Variants in RAP1GDS1 observed in about 807,000 individuals in gnomAD.
The protein encoded by RAP1GDS1 is Rap1 GTPase-GDP dissociation stimulator 1.
A neutral mutation model predicts 71.1 loss-of-function variants in RAP1GDS1; 35 were observed. That is an observed-to-expected ratio of 0.49 (90% CI 0.38 to 0.65). The LOEUF is 0.65. Ranked by LOEUF, RAP1GDS1 falls within the 30% of genes least tolerant of loss-of-function variation. RAP1GDS1 has a pLI of 0.00. For synonymous variants in RAP1GDS1, 229 were observed against 243.1 expected (o/e 0.94, Z 0.54); for missense variants, 663 against 706.1 (o/e 0.94, Z 0.69).
chr4:98,343,310 C>T (rs767668681), intron 3 of RAP1GDS1, 49 bp downstream of exon 3: 6 of 1,529,962 alleles, frequency 3.9e-6, no homozygotes, highest in Non-Finnish European at 3.6e-6. Flanking sequence ...TTCAGTTTTA[C>T]ATCTTACTTG....
rs528448536 is a variant in RAP1GDS1 at position 98,317,339 on chromosome 4, A to G, written c.112+23824A>G. Among the ~76,000 whole-genome samples the G allele has an allele frequency of 4.6e-5, 7 of 152,336 alleles. No individual in the cohort carries two copies. In the South Asian group the frequency reaches 1.2e-3, roughly 27 times the overall value. ...ATGATATTTAGTAAATCCAGAATCA[A>G]TCTGAAAACCTTTCCGCACTCATGT... On this transcript the variant is annotated intron_variant, in intron 2 of 14. Transcript: ENST00000408927.
At chr4:98,328,687 T>G (rs1733509161) in intron 2 of RAP1GDS1, among the ~76,000 whole-genome samples, 2 of 152,202 alleles carry the variant, frequency 1.3e-5, no homozygotes, top group South Asian at 4.1e-4. Flanking sequence ...CGTGATTTAT[T>G]TATTTAATTT....
At chr4:98,411,239 G>A (rs1560978398) in intron 7 of RAP1GDS1, among the ~76,000 whole-genome samples, 1 of 152,204 alleles carries the variant, frequency 6.6e-6, no homozygotes, top group African/African-American at 2.4e-5. Context: ...CCTAATTAAG[G>A]TAGTTTAAGC....
intron 2 of RAP1GDS1, among the ~76,000 whole-genome samples, chr4:98,313,787 T>C (rs1730587079): frequency 6.6e-6 from 1 of 151,986 alleles, no homozygotes; most frequent in East Asian, 1.9e-4. Context: ...GTCGAGGGTG[T>C]AGTAAGCCAT....
chr4:98,436,575 AGCAGGT>A (rs1751165856), intron 13 of RAP1GDS1, among the ~76,000 whole-genome samples: 1 of 152,230 alleles, frequency 6.6e-6, no homozygotes, highest in South Asian at 2.1e-4. Flanking sequence ...GATGGATGAC[AGCAGGT>A]GAATGAGAGA....
At chr4:98,279,147 C>G (rs1409697542) in intron 1 of RAP1GDS1, among the ~76,000 whole-genome samples, 4 of 151,974 alleles carry the variant, frequency 2.6e-5, no homozygotes, top group African/African-American at 9.7e-5. Context: ...TGGCATGTAC[C>G]CAGGAGGCAG....
chr4:98,295,446 T>A (rs1049227022), intron 2 of RAP1GDS1, among the ~76,000 whole-genome samples: 2 of 152,086 alleles, frequency 1.3e-5, no homozygotes, highest in African/African-American at 4.8e-5. Flanking sequence ...TTCATGCAGA[T>A]GTTCAGTCTT....
At chr4:98,362,196 G>A (rs1452209081) in intron 4 of RAP1GDS1, among the ~76,000 whole-genome samples, 2 of 152,276 alleles carry the variant, frequency 1.3e-5, no homozygotes, top group African/African-American at 4.8e-5. Flanking sequence ...AAACAATGTA[G>A]GGTCTGCATG....
At chr4:98,342,457 A>G (rs1450705078) in intron 2 of RAP1GDS1, among the ~76,000 whole-genome samples, 1 of 151,866 alleles carries the variant, frequency 6.6e-6, no homozygotes, top group Non-Finnish European at 1.5e-5. Context: ...TTTCAGTAAC[A>G]TACATGAAGT....
At chr4:98,301,533 C>G (rs775062308) in intron 2 of RAP1GDS1, among the ~76,000 whole-genome samples, 3 of 152,078 alleles carry the variant, frequency 2.0e-5, no homozygotes, top group Non-Finnish European at 4.4e-5. Context: ...AGACAGACTT[C>G]AAATTATTAC....
At chr4:98,425,932 T>A (rs549210394) in intron 12 of RAP1GDS1, among the ~76,000 whole-genome samples, 56 of 152,272 alleles carry the variant, frequency 3.7e-4, no homozygotes, top group Non-Finnish European at 4.4e-4. Flanking sequence ...TTCTATTCAT[T>A]AGCAAATGGA....
chr4:98,379,715 A>G (rs779533136), intron 5 of RAP1GDS1, among the ~76,000 whole-genome samples: 14 of 151,954 alleles, frequency 9.2e-5, no homozygotes, highest in Non-Finnish European at 1.8e-4. Flanking sequence ...TGATGTATCA[A>G]TAATTTTCAG....
chr4:98,404,389 TA>T (rs2110154528), intron 6 of RAP1GDS1, 87 bp from the exon 7 acceptor site: 1 of 1,256,376 alleles, frequency 8.0e-7, no homozygotes, highest in Non-Finnish European at 1.1e-6. Flanking sequence ...TATTTATCAG[TA>T]ATGGTACAAA....
chr4:98,302,368 A>T (rs536766946), intron 2 of RAP1GDS1, among the ~76,000 whole-genome samples: 1 of 152,316 alleles, frequency 6.6e-6, no homozygotes, highest in South Asian at 2.1e-4. Flanking sequence ...CTAAATTTCA[A>T]GGTGCCCAAG....
intron 2 of RAP1GDS1, among the ~76,000 whole-genome samples, chr4:98,317,890 G>A (rs544049802): frequency 4.1e-4 from 61 of 147,144 alleles, no homozygotes; most frequent in Non-Finnish European, 6.5e-4. Context: ...CGCCCAGGCC[G>A]GAGTGCAGTG....
intron 2 of RAP1GDS1, among the ~76,000 whole-genome samples, chr4:98,310,438 A>C (rs537201512): frequency 6.6e-6 from 1 of 152,296 alleles, no homozygotes; most frequent in African/African-American, 2.4e-5. Context: ...TAAAAATTGC[A>C]ATGTCAAATC....
At chr4:98,379,219 T>C in intron 5 of RAP1GDS1, 56 bp downstream of exon 5, 1 of 1,451,398 alleles carries the variant, frequency 6.9e-7, no homozygotes. Context: ...AAATTATCTT[T>C]ACTATAGTGC....
In RAP1GDS1 at chr4:98,420,157, T is replaced by A; in HGVS notation, c.1300+13T>A. On this transcript the variant is annotated intron_variant, in intron 11 of 14. Coordinates refer to ENST00000408927, the MANE Select transcript of RAP1GDS1 (RefSeq NM_001100427.2). ...ATAGATGCACAAGGTAAAAGAAATG[T>A]TTTCCCCAACTTGCATTTTTCATAT... The A allele has an allele frequency of 6.7e-7, 1 of 1,498,270 alleles. No homozygotes were observed. The highest frequency in any genetic ancestry group is 8.9e-7 in the Non-Finnish European group (1 of 1,118,628). The allele number at this position is 1,498,270 out of a possible 1,614,324, so 92.8% of individuals were successfully genotyped here.
chr4:98,441,584 C>G (rs1359335204), intron 14 of RAP1GDS1: 2 of 984,862 alleles, frequency 2.0e-6, no homozygotes, highest in Non-Finnish European at 2.4e-6. Flanking sequence ...CATTGTAGAA[C>G]TTGACGTCTC....
Sources: gnomAD v4.1 joint callset for allele counts (sites outside exome capture counted in the v4.1 genomes callset) on GRCh38, gnomAD v4.1.1 for gene constraint, MANE v1.5 for transcripts, NCBI Gene and HGNC (gene_info 2026-07-23, HGNC 2026-07-21) for gene names.